Variants in MYH11 observed in about 807,000 individuals in gnomAD.
MYH11 encodes myosin-11.
A neutral mutation model predicts 246.6 loss-of-function variants in MYH11; 80 were observed. The observed-to-expected ratio is 0.32, with a 90% CI of 0.27 to 0.39. The LOEUF (loss-of-function observed/expected upper bound fraction) is 0.39, where lower values mean the gene tolerates loss of function less well. MYH11 is among the 10% of genes least tolerant of loss of function. The probability of loss-of-function intolerance (pLI) is 1.00; values close to 1 mark genes in which losing one functional copy is unlikely to be tolerated. For missense variants in MYH11, 2,158 were observed against 2,546.8 expected (o/e 0.85, Z 3.29); for synonymous variants, 1,071 against 1,015.5 (o/e 1.05, Z -1.04).
At chr16:15,720,341 C>T in intron 33 of MYH11, 29 bp from the exon 34 acceptor site, 2 of 1,606,690 alleles carry the variant, frequency 1.2e-6, no homozygotes, top group Non-Finnish European at 1.7e-6. Context: ...TGTGTGCTGC[C>T]CCACTTGCCC....
In MYH11 at chr16:15,853,331, T is replaced by TAAAAA. The variant is rs1228343437; in HGVS notation, c.-18+3609_-18+3610insTTTTT. 8.5e-4 allele frequency among the ~76,000 whole-genome samples: 129 copies of TAAAAA among 152,160 alleles called. No individual in the cohort carries two copies. The East Asian group carries it at 0.015, about 18-fold the overall frequency. ...TGCCCAGCTCATTTTAAAAATTTTT[T>TAAAAA]TGTAGAGATGGTGCCTCGCTATGTT... On this transcript the variant is annotated intron_variant, in intron 1 of 40. Coordinates refer to ENST00000300036, the MANE Select transcript of MYH11 (RefSeq NM_002474.3).
Position 15,724,668 on chromosome 16 carries a change from G to A in MYH11, c.4095C>T (p.His1365=), listed in dbSNP as rs374454281. The A allele has an allele frequency of 2.3e-4, 366 of 1,614,092 alleles. No individual in the cohort carries two copies. Among genetic ancestry groups the A allele is most frequent in the Non-Finnish European group, 2.9e-4 (346 of 1,180,054 alleles). The change falls in exon 30 of 41, where the codon CAC becomes CAT. Residue 1365 remains histidine, a synonymous_variant. Coordinates refer to ENST00000300036, the MANE Select transcript of MYH11 (RefSeq NM_002474.3). ...EMEAKQNLER[H]ISTLNIQLSD... The stretch of plus-strand genomic sequence containing the variant: ...GCACCTGGATGTTGAGAGTGGAGAT[G>A]TGGCGCTCCAGGTTCTGCTTGGCCT...
At chr16:15,771,513 C>A in intron 9 of MYH11, 56 bp downstream of exon 9, 1 of 1,574,078 alleles carries the variant, frequency 6.4e-7, no homozygotes, top group African/African-American at 1.4e-5. Flanking sequence ...GAGTTCTTAA[C>A]AGGTTCCACT....
In MYH11 at chr16:15,731,277, A is replaced by G. The variant is rs2040953060; in HGVS notation, c.3651+1287T>C. Among the ~76,000 whole-genome samples the G allele has an allele frequency of 1.3e-5, 2 of 152,198 alleles. 1 individual carries two copies. Among genetic ancestry groups the G allele is most frequent in the South Asian group, 4.1e-4 (2 of 4,832 alleles). ...CCATCCTATAGGCCTTCAGTCCTGT[A>G]GAGGCCAGAAAGTGGGGTCTAGGAC... On this transcript the variant is annotated intron_variant, in intron 27 of 40. Coordinates refer to ENST00000300036, the MANE Select transcript of MYH11 (RefSeq NM_002474.3).
intron 34 of MYH11, 143 bp from the exon 35 acceptor site, chr16:15,719,856 T>A: frequency 7.8e-7 from 1 of 1,276,084 alleles, no homozygotes; most frequent in Non-Finnish European, 1.1e-6. Context: ...TGGCTCTCAG[T>A]TCCAGGTGGC....
chr16:15,745,345 C>T (rs2041388837), intron 19 of MYH11, 108 bp from the exon 20 acceptor site: 1 of 734,882 alleles, frequency 1.4e-6, no homozygotes, highest in Non-Finnish European at 2.3e-6. Flanking sequence ...GCCCCAATCT[C>T]CCCAACTCAG....
chr16:15,786,927 T>C (rs1049740728), intron 4 of MYH11, among the ~76,000 whole-genome samples, 195 bp from the exon 5 acceptor site: 3 of 152,202 alleles, frequency 2.0e-5, no homozygotes, highest in East Asian at 1.9e-4. Context: ...CTAGGTCCAA[T>C]GCCCAATCTA....
In MYH11 at chr16:15,725,507, G is replaced by A. The variant is rs754900061; in HGVS notation, c.3859-515C>T. ...AGACGCAGGCCCTAAAGGTAAAAACGTCCTCTCTGTATTCTCTGGCTTTTA... is the reference window on the plus strand; with the variant it reads ...AGACGCAGGCCCTAAAGGTAAAAACATCCTCTCTGTATTCTCTGGCTTTTA... On this transcript the variant is annotated intron_variant, in intron 28 of 40. Coordinates refer to ENST00000300036, the MANE Select transcript of MYH11 (RefSeq NM_002474.3). The A allele has an allele frequency of 2.8e-5, 12 of 423,430 alleles. No homozygotes were observed. The Admixed American group carries it at 3.1e-4, about 11-fold the overall frequency. 26.2% of individuals were successfully genotyped at this position (423,430 alleles called of 1,614,324 possible). A position where few individuals can be genotyped will look rare whatever the true frequency, so the allele number is the denominator to read the frequency against.
At chr16:15,830,611 C>T (rs1478625956) in intron 2 of MYH11, among the ~76,000 whole-genome samples, 1 of 152,152 alleles carries the variant, frequency 6.6e-6, no homozygotes, top group Non-Finnish European at 1.5e-5. Flanking sequence ...GATGGAGCAG[C>T]TCACACCTGT....
At chr16:15,805,728 A>G (rs941555078) in intron 3 of MYH11, among the ~76,000 whole-genome samples, 3 of 152,058 alleles carry the variant, frequency 2.0e-5, no homozygotes, top group African/African-American at 7.2e-5. Context: ...CCTGGGCAAC[A>G]TGGTGAAACC....
intron 9 of MYH11, among the ~76,000 whole-genome samples, chr16:15,770,022 A>C (rs1479823566): frequency 1.3e-5 from 2 of 152,218 alleles, no homozygotes; most frequent in Non-Finnish European, 2.9e-5. Flanking sequence ...TCAAGAAAAA[A>C]GGATTTGGTA....
chr16:15,717,426 C>A, intron 37 of MYH11, 78 bp from the exon 38 acceptor site: 1 of 1,483,240 alleles, frequency 6.7e-7, no homozygotes, highest in South Asian at 1.1e-5. Flanking sequence ...CTCTTCCTGC[C>A]TTGTTTGGCC....
At chr16:15,812,551 T>TA (rs71134466) in intron 3 of MYH11, among the ~76,000 whole-genome samples, 1,165 of 37,416 alleles carry the variant, frequency 0.031, 69 homozygotes, top group Admixed American at 0.058. Flanking sequence ...ATCTTATCTC[T>TA]AAAAAAAAAA....
chr16:15,816,720 C>T (rs776475808), intron 3 of MYH11, among the ~76,000 whole-genome samples: 7 of 150,080 alleles, frequency 4.7e-5, no homozygotes, highest in Non-Finnish European at 1.0e-4. Context: ...TAGATGATAC[C>T]TAAAATTGAA....
At chr16:15,783,124 C>T (rs1395663079) in intron 5 of MYH11, 1 of 152,906 alleles carries the variant, frequency 6.5e-6, no homozygotes, top group Non-Finnish European at 1.5e-5. Context: ...AGCCCACCGG[C>T]CCCCTCTGCC....
At chr16:15,773,588 C>A (rs1375361956) in intron 8 of MYH11, among the ~76,000 whole-genome samples, 2 of 151,960 alleles carry the variant, frequency 1.3e-5, no homozygotes, top group African/African-American at 4.8e-5. Flanking sequence ...GCCCAGCCAC[C>A]CCCAGCTATT....
intron 40 of MYH11, among the ~76,000 whole-genome samples, chr16:15,711,624 A>G (rs1277850701): frequency 6.6e-6 from 1 of 152,186 alleles, no homozygotes; most frequent in Non-Finnish European, 1.5e-5. Flanking sequence ...TGGTGGTATG[A>G]GAATGAAGCG....
intron 36 of MYH11, 43 bp downstream of exon 36, chr16:15,719,177 C>T: frequency 1.3e-6 from 2 of 1,576,822 alleles, no homozygotes; most frequent in Non-Finnish European, 1.7e-6. Flanking sequence ...CCTGTCCCCC[C>T]ATCCTCTGCT....
rs199534515 is a variant in MYH11, at chr16:15,820,475, G to GA, written c.502+2779dup. ...GGCACCAAGAGGGAAACTCCATCCG[G>GA]AAAAAAAAAAAAAAAAAGAAAGAAA... On this transcript the variant is annotated intron_variant, in intron 3 of 40. Transcript: ENST00000300036. Among the ~76,000 whole-genome samples the GA allele has an allele frequency of 7.1e-3, 735 of 104,254 alleles. 1 individual carries two copies. Among genetic ancestry groups the GA allele is most frequent in the East Asian group, 0.011 (39 of 3,554 alleles). 68.4% of individuals were successfully genotyped at this position (104,254 alleles called of 152,430 possible). A position where few individuals can be genotyped will look rare whatever the true frequency, so the allele number is the denominator to read the frequency against.
Sources: gnomAD v4.1 joint callset for allele counts (sites outside exome capture counted in the v4.1 genomes callset) on GRCh38, gnomAD v4.1.1 for gene constraint, MANE v1.5 for transcripts, NCBI Gene and HGNC (gene_info 2026-07-23, HGNC 2026-07-21) for gene names.